Variants in TYW1B observed in about 807,000 individuals in gnomAD.
TYW1B encodes tRNA-yW synthesizing protein 1 homolog B.
TYW1B carries 73 observed loss-of-function variants against 86.9 expected under a neutral mutation model. That is an observed-to-expected ratio of 0.84 (90% CI 0.70 to 1.02). The LOEUF (loss-of-function observed/expected upper bound fraction) is 1.02. TYW1B is among the 50% of genes least tolerant of loss of function. TYW1B has a pLI of 0.00. For synonymous variants in TYW1B, 248 were observed against 292.8 expected, an observed-to-expected ratio of 0.85 and a Z score of 1.56; for missense variants, 637 against 827.4, an observed-to-expected ratio of 0.77 and a Z score of 2.82.
chr7:72,639,421 A>C (rs1554441216), intron 11 of TYW1B, among the ~76,000 whole-genome samples: 1 of 151,888 alleles, frequency 6.6e-6, no homozygotes, highest in Admixed American at 6.6e-5. Context: ...CCTACCTTGA[A>C]CTCCCAAAGT....
chr7:72,667,648 G>A (rs539841830), intron 11 of TYW1B, among the ~76,000 whole-genome samples: 1 of 152,322 alleles, frequency 6.6e-6, no homozygotes, highest in East Asian at 1.9e-4. Context: ...GGGAGGTGGA[G>A]GCTGCAGTGA....
chr7:72,575,231 C>T lies in TYW1B; in HGVS notation c.*267G>A, dbSNP rs1810993235. On this transcript the variant is annotated 3_prime_UTR_variant, in exon 14 of 14. Coordinates refer to ENST00000620995, the MANE Select transcript of TYW1B (RefSeq NM_001145440.3). The stretch of plus-strand genomic sequence containing the variant: ...AAAACCATCAGTTAAATTCTAATCA[C>T]GACTGTGTAGTTCCTCCCCAAAATA... 13 of 1,289,456 alleles carry T rather than the reference C, an allele frequency of 1.0e-5. No individual in the cohort carries two copies. The highest frequency in any genetic ancestry group is 2.0e-5 in the South Asian group (1 of 50,970). The allele number at this position is 1,289,456 out of a possible 1,614,324, so 79.9% of individuals were successfully genotyped here.
intron 11 of TYW1B, among the ~76,000 whole-genome samples, chr7:72,683,259 G>A (rs1266985136): frequency 2.0e-5 from 3 of 152,148 alleles, no homozygotes; most frequent in Admixed American, 6.6e-5. Context: ...CAGTCCAGGG[G>A]TACAGCCTCA....
chr7:72,749,245 A>G (rs1473922945), intron 7 of TYW1B, among the ~76,000 whole-genome samples: 1 of 152,172 alleles, frequency 6.6e-6, no homozygotes, highest in Non-Finnish European at 1.5e-5. Context: ...CATCTTTTCA[A>G]TGGCTGCAGG....
At chr7:72,579,343 T>C (rs112002985) in intron 13 of TYW1B, among the ~76,000 whole-genome samples, 2 of 152,110 alleles carry the variant, frequency 1.3e-5, no homozygotes, top group African/African-American at 2.4e-5. Context: ...TAAAATCTGA[T>C]AACTGACTGC....
In TYW1B at chr7:72,738,921, A is replaced by AT. The variant is rs1275998576; in HGVS notation, c.1082+5562_1082+5563insA. On this transcript the variant is annotated intron_variant, in intron 8 of 13. Coordinates refer to ENST00000620995, the MANE Select transcript of TYW1B (RefSeq NM_001145440.3). ...CCCTGTCTCTATCAAAAAAAAAAAAAAATAATAATAATAAACTGGATAGGC... is the reference window on the plus strand; with the variant it reads ...CCCTGTCTCTATCAAAAAAAAAAAAATAATAATAATAATAAACTGGATAGGC... 3.8e-3 allele frequency among the ~76,000 whole-genome samples: 569 copies of AT among 150,396 alleles called. 5 individuals are homozygous for AT. Among genetic ancestry groups the AT allele is most frequent in the Non-Finnish European group, 5.6e-3 (374 of 67,310 alleles).
intron 9 of TYW1B, among the ~76,000 whole-genome samples, chr7:72,717,684 TTCTC>T (rs1180434185): frequency 2.3e-4 from 34 of 150,048 alleles, no homozygotes; most frequent in African/African-American, 6.1e-4. Context: ...CACACTCTAA[TTCTC>T]TCTCTCTCTT....
At chr7:72,739,320 G>A (rs561350908) in intron 8 of TYW1B, among the ~76,000 whole-genome samples, 1 of 151,740 alleles carries the variant, frequency 6.6e-6, no homozygotes, top group Non-Finnish European at 1.5e-5. Flanking sequence ...AGTGGGTAGA[G>A]AGGGGTCAGG....
chr7:72,588,797 C>T (rs1229162834), intron 13 of TYW1B, among the ~76,000 whole-genome samples: 1 of 151,372 alleles, frequency 6.6e-6, no homozygotes, highest in East Asian at 1.9e-4. Flanking sequence ...GTCCTATTTG[C>T]CCTTGGACAA....
chr7:72,720,819 A>T (rs146229403), intron 9 of TYW1B, among the ~76,000 whole-genome samples: 5,326 of 152,166 alleles, frequency 0.035, 143 homozygotes, highest in Middle Eastern at 0.065. Flanking sequence ...TACATATGTA[A>T]ACATGTGCCA....
chr7:72,814,258 C>T (rs1788678729), intron 3 of TYW1B, among the ~76,000 whole-genome samples: 1 of 151,624 alleles, frequency 6.6e-6, no homozygotes, highest in Non-Finnish European at 1.5e-5. Flanking sequence ...GTTCCAGACC[C>T]GCCTGGGCAA....
At chr7:72,588,051 GAGATCACA>G (rs1209973555) in intron 13 of TYW1B, among the ~76,000 whole-genome samples, 1 of 152,212 alleles carries the variant, frequency 6.6e-6, no homozygotes, top group Non-Finnish European at 1.5e-5. Flanking sequence ...AGAAGAGGCA[GAGATCACA>G]AGGGCAGACT....
intron 6 of TYW1B, among the ~76,000 whole-genome samples, chr7:72,785,137 C>A (rs1585981762): frequency 1.3e-5 from 2 of 152,140 alleles, no homozygotes; most frequent in East Asian, 3.9e-4. Context: ...AAACCACTCT[C>A]ATACTTCAAA....
chr7:72,610,073 C>T (rs1391004679), intron 13 of TYW1B, among the ~76,000 whole-genome samples: 4 of 152,158 alleles, frequency 2.6e-5, no homozygotes, highest in African/African-American at 9.7e-5. Flanking sequence ...CAACGTTAGG[C>T]TGTGTCACAC....
intron 13 of TYW1B, among the ~76,000 whole-genome samples, chr7:72,614,933 C>G (rs782726408): frequency 6.6e-6 from 1 of 152,208 alleles, no homozygotes; most frequent in Non-Finnish European, 1.5e-5. Flanking sequence ...TTAAAGCCCT[C>G]TAATCAATCT....
intron 6 of TYW1B, among the ~76,000 whole-genome samples, chr7:72,798,995 C>A (rs1338202162): frequency 6.6e-6 from 1 of 152,038 alleles, no homozygotes; most frequent in Non-Finnish European, 1.5e-5. Flanking sequence ...AGGCATGCAC[C>A]ACCACACCCA....
Position 72,758,184 on chromosome 7 carries a change from T to A in TYW1B, c.965-13583A>T, listed in dbSNP as rs181224450. ...GCAGTGAGCCGAGATTGTGCCACTGTACTCCAGCCTGGGTGACAAAGGAAG... is the reference window on the plus strand; with the variant it reads ...GCAGTGAGCCGAGATTGTGCCACTGAACTCCAGCCTGGGTGACAAAGGAAG... On this transcript the variant is annotated intron_variant, in intron 7 of 13. Coordinates refer to ENST00000620995, the MANE Select transcript of TYW1B (RefSeq NM_001145440.3). 8.2e-4 allele frequency among the ~76,000 whole-genome samples: 124 copies of A among 152,122 alleles called. 3 individuals are homozygous for A. Among genetic ancestry groups the A allele is most frequent in the South Asian group, 1.5e-3 (7 of 4,822 alleles).
chr7:72,649,416 A>C (rs1813008565), intron 11 of TYW1B, among the ~76,000 whole-genome samples: 1 of 152,176 alleles, frequency 6.6e-6, no homozygotes, highest in South Asian at 2.1e-4. Flanking sequence ...GAAATAAGAG[A>C]AACAATGTCA....
At chr7:72,783,656 T>C (rs1362680076) in intron 6 of TYW1B, among the ~76,000 whole-genome samples, 8 of 152,228 alleles carry the variant, frequency 5.3e-5, no homozygotes, top group African/African-American at 1.9e-4. Context: ...CTTTTGTATA[T>C]ACTGAGTTCT....
Sources: allele counts gnomAD v4.1 joint callset (sites outside exome capture counted in the v4.1 genomes callset), GRCh38; gene constraint gnomAD v4.1.1; transcripts MANE v1.5; gene names NCBI Gene and HGNC (gene_info 2026-07-23, HGNC 2026-07-21).